The following ABTB2 variants were observed in gnomAD, a reference collection of about 807,000 sequenced individuals.
The protein encoded by ABTB2 is ankyrin repeat and BTB/POZ domain-containing protein 2.
Under a neutral mutation model 104.1 loss-of-function variants are expected in ABTB2, and 56 were observed. The observed-to-expected ratio is 0.54, with a 90% confidence interval of 0.43 to 0.67. The LOEUF is 0.67. ABTB2 is among the 30% of genes least tolerant of loss of function. ABTB2 has a pLI of 0.00. For missense variants in ABTB2, 1,279 were observed against 1,407.7 expected (o/e 0.91, Z 1.46); for synonymous variants, 606 against 608.2 (o/e 1.00, Z 0.05).
Position 34,267,360 on chromosome 11 carries a change from T to C in ABTB2, c.884-62670A>G, listed in dbSNP as rs904331751. Among the ~76,000 whole-genome samples the C allele has an allele frequency of 2.0e-5, 3 of 152,156 alleles. No individual in the cohort carries two copies. In the South Asian group the frequency reaches 6.2e-4, roughly 32 times the overall value. The stretch of plus-strand genomic sequence containing the variant: ...GTCTTGCTGACTTTCTGAAGGTCCC[T>C]GGCATTCTCTTTCCTGGACCCCAAC... On this transcript the variant is annotated intron_variant, in intron 1 of 16. Coordinates refer to ENST00000435224, the MANE Select transcript of ABTB2 (RefSeq NM_145804.3).
chr11:34,207,153 G>C (rs1244654504), intron 1 of ABTB2, among the ~76,000 whole-genome samples: 1 of 152,208 alleles, frequency 6.6e-6, no homozygotes, highest in Admixed American at 6.5e-5. Context: ...TGAAACCCAC[G>C]ACAGGCCAAA....
Position 34,333,033 on chromosome 11 carries a change from G to T in ABTB2, c.883+23668C>A, listed in dbSNP as rs577888429. ...CAGCTTTAACTTATTAAGCATCAAG[G>T]GTTTTACAAATATTTCTCGAATGAT... On this transcript the variant is annotated intron_variant, in intron 1 of 16. Coordinates refer to ENST00000435224, the MANE Select transcript of ABTB2 (RefSeq NM_145804.3). Among the ~76,000 whole-genome samples, 3 of 152,124 alleles carry T rather than the reference G, an allele frequency of 2.0e-5. No individual in the cohort carries two copies. In the East Asian group the frequency reaches 5.8e-4, roughly 29 times the overall value.
At chr11:34,344,453 T>C (rs949485268) in intron 1 of ABTB2, among the ~76,000 whole-genome samples, 2 of 152,210 alleles carry the variant, frequency 1.3e-5, no homozygotes, top group African/African-American at 4.8e-5. Flanking sequence ...CAATCCATCA[T>C]ATGACTAATG....
chr11:34,356,999 C>T lies in ABTB2; in HGVS notation c.585G>A (p.Arg195=). 1.9e-6 allele frequency: 3 copies of T among 1,579,184 alleles called. No individual in the cohort carries two copies. Among genetic ancestry groups the T allele is most frequent in the Non-Finnish European group, 2.6e-6 (3 of 1,165,044 alleles). The change falls in exon 1 of 17, where the codon CGG becomes CGA. Residue 195 remains arginine (R), a synonymous_variant. Transcript: ENST00000435224. The surrounding 1 kb of genome is among the most constrained non-coding windows in gnomAD (Gnocchi z 4.6). ...YSMSAGDGLR[R]GKSARCGLTF... is the part of the protein sequence containing the mutation. Reference sequence around the variant, plus strand: ...TGAGGCCGCAGCGCGCGGACTTGCCCCGGCGCAGCCCGTCGCCGGCGCTCA... The same window carrying T: ...TGAGGCCGCAGCGCGCGGACTTGCCTCGGCGCAGCCCGTCGCCGGCGCTCA...
chr11:34,308,868 CAAAAA>C (rs57658114), intron 1 of ABTB2, among the ~76,000 whole-genome samples: 2 of 77,800 alleles, frequency 2.6e-5, no homozygotes, highest in African/African-American at 4.4e-5. Flanking sequence ...GAAACTGTCT[CAAAAA>C]AAAAAAAAAA....
At chr11:34,337,017 G>A (rs180898847) in intron 1 of ABTB2, among the ~76,000 whole-genome samples, 20 of 152,132 alleles carry the variant, frequency 1.3e-4, no homozygotes, top group African/African-American at 3.9e-4. Flanking sequence ...GTGGAGCCAA[G>A]ATTTGAATGC....
intron 1 of ABTB2, among the ~76,000 whole-genome samples, chr11:34,221,976 C>T (rs1010832807): frequency 1.3e-5 from 2 of 152,018 alleles, no homozygotes; most frequent in Non-Finnish European, 2.9e-5. Flanking sequence ...ACCTGGGAGG[C>T]GGAGGTTGCA....
intron 5 of ABTB2, 147 bp from the exon 6 acceptor site, chr11:34,168,139 G>A: frequency 1.3e-5 from 10 of 786,442 alleles, no homozygotes; most frequent in Non-Finnish European, 2.1e-5. Context: ...GTGCTTCCTG[G>A]GCTGCTGGGC....
intron 1 of ABTB2, among the ~76,000 whole-genome samples, chr11:34,242,205 T>A (rs909561238): frequency 2.0e-5 from 3 of 152,148 alleles, no homozygotes; most frequent in Admixed American, 6.5e-5. Context: ...CTGCCGCAGA[T>A]CTGTGAAGTG....
chr11:34,293,094 CAG>C (rs780960181), intron 1 of ABTB2, among the ~76,000 whole-genome samples: 4 of 152,114 alleles, frequency 2.6e-5, no homozygotes, highest in East Asian at 1.9e-4. Flanking sequence ...GCAGTGGAAA[CAG>C]TGTTTTTTGA....
intron 1 of ABTB2, among the ~76,000 whole-genome samples, chr11:34,228,529 C>T (rs1415487430): frequency 6.6e-6 from 1 of 151,948 alleles, no homozygotes; most frequent in African/African-American, 2.4e-5. Context: ...GAATTACAGG[C>T]GCCCGCCACC....
chr11:34,159,826 GTCAC>G, intron 13 of ABTB2, 76 bp downstream of exon 13: 1 of 1,150,674 alleles, frequency 8.7e-7, no homozygotes, highest in South Asian at 1.3e-5. Flanking sequence ...GCCCCAGCGA[GTCAC>G]TCTCTGTCAC....
At chr11:34,231,382 C>T (rs547540410) in intron 1 of ABTB2, among the ~76,000 whole-genome samples, 1 of 152,090 alleles carries the variant, frequency 6.6e-6, no homozygotes, top group Non-Finnish European at 1.5e-5. Context: ...GGAGGTAGAG[C>T]ATAACTTCCC....
At chr11:34,189,038 A>G (rs1205701423) in intron 3 of ABTB2, 1 of 152,234 alleles carries the variant, frequency 6.6e-6, no homozygotes, top group Non-Finnish European at 1.5e-5. Flanking sequence ...AGAAGAAAAG[A>G]GCTGGGATTT....
intron 1 of ABTB2, among the ~76,000 whole-genome samples, chr11:34,311,218 AC>A (rs1854849118): frequency 6.6e-6 from 1 of 152,032 alleles, no homozygotes; most frequent in South Asian, 2.1e-4. Flanking sequence ...GGGCTGTCTG[AC>A]CTCCTAAGAG....
intron 1 of ABTB2, among the ~76,000 whole-genome samples, chr11:34,255,084 T>C (rs1346470103): frequency 2.6e-5 from 4 of 152,224 alleles, no homozygotes; most frequent in Admixed American, 6.5e-5. Context: ...TACCATATCA[T>C]TCAATGTTCA....
At chr11:34,250,691 C>G (rs759821035) in intron 1 of ABTB2, among the ~76,000 whole-genome samples, 28 of 152,170 alleles carry the variant, frequency 1.8e-4, no homozygotes, top group Admixed American at 8.5e-4. Flanking sequence ...TCCTCAGAAG[C>G]CTTCACTAAG....
chr11:34,273,097 T>TA (rs560302186), intron 1 of ABTB2, among the ~76,000 whole-genome samples: 2 of 152,140 alleles, frequency 1.3e-5, no homozygotes, highest in African/African-American at 2.4e-5. Flanking sequence ...TTTTTTAAAT[T>TA]AAAAAAATTT....
chr11:34,210,510 A>G (rs1590217832), intron 1 of ABTB2, among the ~76,000 whole-genome samples: 1 of 152,370 alleles, frequency 6.6e-6, no homozygotes, highest in Middle Eastern at 3.4e-3. Context: ...GTTTATAGTG[A>G]AGCTTTATCT....
Sources: gnomAD v4.1 joint callset for allele counts (sites outside exome capture counted in the v4.1 genomes callset) on GRCh38, gnomAD v4.1.1 for gene constraint, Gnocchi (gnomAD v3.1) non-coding constraint, MANE v1.5 for transcripts, NCBI Gene and HGNC (gene_info 2026-07-23, HGNC 2026-07-21) for gene names.